The following NAALADL2 variants were observed in gnomAD, a reference collection of about 807,000 sequenced individuals.
NAALADL2 encodes the protein inactive N-acetylated-alpha-linked acidic dipeptidase-like protein 2.
In NAALADL2, 76 loss-of-function variants were observed where a neutral mutation model predicts 87.2. The ratio of observed to expected loss-of-function variants is 0.87; its 90% CI spans 0.72 to 1.05. The LOEUF (loss-of-function observed/expected upper bound fraction) is 1.05, where lower values mean the gene tolerates loss of function less well. Ranked by LOEUF, NAALADL2 falls within the 50% of genes least tolerant of loss-of-function variation. The probability of loss-of-function intolerance (pLI) is 0.00; values close to 1 mark genes in which losing one functional copy is unlikely to be tolerated. For missense variants in NAALADL2, 1,089 were observed against 945.8 expected (o/e 1.15, Z -1.99); for synonymous variants, 354 against 331.0 (o/e 1.07, Z -0.75).
At chr3:175,480,643 T>A (rs1215019433) in intron 9 of NAALADL2, among the ~76,000 whole-genome samples, 1 of 151,918 alleles carries the variant, frequency 6.6e-6, no homozygotes, top group Non-Finnish European at 1.5e-5. Flanking sequence ...GTTGTCAACC[T>A]TGAAATAAAA....
At chr3:174,627,953 C>T (rs1220295961) in intron 2 of NAALADL2, among the ~76,000 whole-genome samples, 8 of 151,984 alleles carry the variant, frequency 5.3e-5, no homozygotes, top group South Asian at 2.1e-4. Flanking sequence ...GAGGGTGAGA[C>T]GGGAGTGAGG....
chr3:175,446,649 A>G (rs1280992817), intron 5 of NAALADL2, among the ~76,000 whole-genome samples: 1 of 152,134 alleles, frequency 6.6e-6, no homozygotes, highest in Non-Finnish European at 1.5e-5. Flanking sequence ...AGGCACCCAC[A>G]CTGACTGGGT....
At chr3:175,477,581 C>G (rs1402339085) in intron 9 of NAALADL2, among the ~76,000 whole-genome samples, 1 of 152,074 alleles carries the variant, frequency 6.6e-6, no homozygotes, top group Non-Finnish European at 1.5e-5. Flanking sequence ...TATTTTTGCT[C>G]CATCCTGTTA....
At chr3:174,784,291 G>A (rs1716343453) in intron 3 of NAALADL2, among the ~76,000 whole-genome samples, 1 of 152,126 alleles carries the variant, frequency 6.6e-6, no homozygotes, top group Admixed American at 6.6e-5. Context: ...ATATGCATAT[G>A]CAGCTTTGAT....
intron 2 of NAALADL2, among the ~76,000 whole-genome samples, chr3:174,713,616 C>A (rs1450016771): frequency 6.6e-6 from 1 of 152,190 alleles, no homozygotes; most frequent in East Asian, 1.9e-4. Flanking sequence ...TGAGAAGTGT[C>A]TGTTCATATT....
At chr3:174,695,957 A>G (rs1241021036) in intron 2 of NAALADL2, among the ~76,000 whole-genome samples, 1 of 152,056 alleles carries the variant, frequency 6.6e-6, no homozygotes, top group Non-Finnish European at 1.5e-5. Context: ...ATCCTGGTCT[A>G]TGGATGCTAA....
In NAALADL2 at chr3:175,502,056, A is replaced by G. The variant is rs139600954; in HGVS notation, c.1653+30298A>G. Among the ~76,000 whole-genome samples the G allele has an allele frequency of 3.4e-3, 519 of 152,274 alleles. 3 individuals carry two copies. The highest frequency in any genetic ancestry group is 0.012 in the African/African-American group (502 of 41,576). On this transcript the variant is annotated intron_variant, in intron 9 of 13. Coordinates refer to ENST00000454872, the MANE Select transcript of NAALADL2 (RefSeq NM_207015.3). ...CAGCAAATCAATGGAGACTTTGAAG[A>G]GAACAATTTCAAGTAAAATAAAAGC... is the stretch of plus-strand genomic sequence containing the variant.
intron 5 of NAALADL2, among the ~76,000 whole-genome samples, chr3:175,374,742 G>A (rs554593532): frequency 6.6e-6 from 1 of 151,418 alleles, no homozygotes; most frequent in Non-Finnish European, 1.5e-5. Flanking sequence ...GCATGGTGGT[G>A]CATGCCTGCA....
intron 1 of NAALADL2, among the ~76,000 whole-genome samples, chr3:174,948,523 G>C (rs530544028): frequency 2.6e-5 from 4 of 152,124 alleles, no homozygotes; most frequent in Non-Finnish European, 5.9e-5. Context: ...TGTCACTAAA[G>C]ATAACTTTTG....
At chr3:174,851,412 A>G (rs886511192) in intron 3 of NAALADL2, among the ~76,000 whole-genome samples, 1 of 151,756 alleles carries the variant, frequency 6.6e-6, no homozygotes, top group Non-Finnish European at 1.5e-5. Flanking sequence ...AAATAAAATC[A>G]GAGTTGAAAA....
At chr3:175,398,754 T>C (rs950399188) in intron 5 of NAALADL2, among the ~76,000 whole-genome samples, 12 of 152,122 alleles carry the variant, frequency 7.9e-5, no homozygotes, top group Admixed American at 5.2e-4. Context: ...AATTTACATT[T>C]CTTTGATGAC....
chr3:175,444,038 A>AT (rs1266415736), intron 5 of NAALADL2, among the ~76,000 whole-genome samples: 4 of 152,160 alleles, frequency 2.6e-5, no homozygotes, highest in Non-Finnish European at 5.9e-5. Flanking sequence ...CTCATGGAGT[A>AT]TGTAAGGGTA....
At chr3:174,953,208 C>G (rs1740634737) in intron 1 of NAALADL2, among the ~76,000 whole-genome samples, 2 of 151,212 alleles carry the variant, frequency 1.3e-5, no homozygotes, top group Admixed American at 6.6e-5. Context: ...AACTTATAAC[C>G]TCAACTGCTT....
chr3:175,714,075 G>C (rs2150009618), intron 11 of NAALADL2, among the ~76,000 whole-genome samples: 1 of 152,168 alleles, frequency 6.6e-6, no homozygotes, highest in African/African-American at 2.4e-5. Flanking sequence ...CCTTTTTATG[G>C]CTGCATAGTA....
At chr3:175,627,973 G>T (rs1727221179) in intron 11 of NAALADL2, among the ~76,000 whole-genome samples, 1 of 151,434 alleles carries the variant, frequency 6.6e-6, no homozygotes, top group African/African-American at 2.4e-5. Context: ...AGAAAAAAAA[G>T]GCTACTTTTT....
intron 2 of NAALADL2, among the ~76,000 whole-genome samples, chr3:175,182,422 C>T (rs1296031669): frequency 6.6e-6 from 1 of 151,884 alleles, no homozygotes; most frequent in South Asian, 2.1e-4. Flanking sequence ...GGGTCTCTCT[C>T]TGTCACCCAG....
At chr3:174,753,176 C>T (rs556258638) in intron 3 of NAALADL2, among the ~76,000 whole-genome samples, 6 of 152,178 alleles carry the variant, frequency 3.9e-5, no homozygotes, top group African/African-American at 9.6e-5. Flanking sequence ...TCATCTCAAG[C>T]GATTCTCCTG....
chr3:175,612,538 C>T (rs1724789675), intron 10 of NAALADL2, among the ~76,000 whole-genome samples: 1 of 152,112 alleles, frequency 6.6e-6, no homozygotes, highest in African/African-American at 2.4e-5. Context: ...TTCTTCTTAA[C>T]CCGATGTTTA....
At chr3:174,648,480 A>G (rs938085551) in intron 2 of NAALADL2, among the ~76,000 whole-genome samples, 1 of 152,192 alleles carries the variant, frequency 6.6e-6, no homozygotes, top group Non-Finnish European at 1.5e-5. Context: ...GGAGGGGGCT[A>G]CTGTAAACAA....
Sources: allele counts gnomAD v4.1 joint callset (sites outside exome capture counted in the v4.1 genomes callset), GRCh38; gene constraint gnomAD v4.1.1; transcripts MANE v1.5; gene names NCBI Gene and HGNC (gene_info 2026-07-23, HGNC 2026-07-21).